LTB: variants seen among roughly 807,000 people sequenced by gnomAD.
LTB encodes lymphotoxin beta, also known as lymphotoxin-beta.
A neutral mutation model predicts 14.7 loss-of-function variants in LTB; 17 were observed. The observed-to-expected ratio is 1.16, with a 90% CI of 0.79 to 1.73. The LOEUF is 1.73. Among genes scored for constraint, LTB ranks in the 40% most tolerant of loss-of-function variants. The pLI, the probability that LTB is intolerant of heterozygous loss-of-function variation, is 0.00. For synonymous variants in LTB, 163 were observed against 157.3 expected (o/e 1.04, Z -0.27); for missense variants, 288 against 324.3 (o/e 0.89, Z 0.86).
Position 31,580,576 on chromosome 6 carries a change from G to C in LTB, c.*133C>G. The C allele has an allele frequency of 1.1e-6, 1 of 883,942 alleles. No homozygotes were observed. The highest frequency in any genetic ancestry group is 1.7e-6 in the Non-Finnish European group (1 of 574,470). The allele number at this position is 883,942 out of a possible 1,614,324, so 54.8% of individuals were successfully genotyped here. Reference sequence around the variant, plus strand: ...CAGCATCTTTATCGGCAGCACTGAAGCTTTCCATTCTTTATTTTCATCAGG... The same window carrying C: ...CAGCATCTTTATCGGCAGCACTGAACCTTTCCATTCTTTATTTTCATCAGG... On this transcript the variant is annotated 3_prime_UTR_variant, in exon 4 of 4. Coordinates refer to ENST00000429299, the MANE Select transcript of LTB (RefSeq NM_002341.2). This position sits in a 1 kb window ranked among gnomAD's most constrained non-coding sequence, Gnocchi z 6.6.
At position 31,581,550 on chromosome 6, in the gene LTB, G is replaced by C. The variant is rs751889844; in HGVS notation, c.280+9C>G. Reference sequence around the variant, plus strand: ...TTTACACTCTTATTCAGGTCTTGGAGGTCCTTACCTATGAGGTGGGCAGCT... The same window carrying C: ...TTTACACTCTTATTCAGGTCTTGGACGTCCTTACCTATGAGGTGGGCAGCT... On this transcript the variant is annotated intron_variant, in intron 3 of 3. Transcript: ENST00000429299. The C allele has an allele frequency of 2.1e-5, 34 of 1,612,106 alleles. No individual in the cohort carries two copies. Among genetic ancestry groups the C allele is most frequent in the Admixed American group, 6.7e-5 (4 of 60,012 alleles).
rs111986841 is a variant in LTB, at chr6:31,582,254, A to C, written c.162+2T>G. On this transcript the variant is annotated splice_donor_variant, in intron 1 of 3. Coordinates refer to ENST00000429299, the MANE Select transcript of LTB (RefSeq NM_002341.2). LOFTEE classifies it high-confidence loss of function. ...CCACCAGGGCCTGTTGCAGCCACTCACCAGTCCTCCCTGATCCTGGGGCAC... is the reference window on the plus strand; with the variant it reads ...CCACCAGGGCCTGTTGCAGCCACTCCCCAGTCCTCCCTGATCCTGGGGCAC... 6.2e-7 allele frequency: 1 copy of C among 1,612,890 alleles called. No homozygotes were observed. Among genetic ancestry groups the C allele is most frequent in the Non-Finnish European group, 8.5e-7 (1 of 1,179,894 alleles).
In LTB at chr6:31,581,580, G is replaced by C. The variant is rs4647187; in HGVS notation, c.259C>G (p.Leu87Val). ...EEPETDLSPGLPAAHLIGAPL... is the reference protein window; with the variant it reads ...EEPETDLSPGVPAAHLIGAPL... ...TTACCTATGAGGTGGGCAGCTGGGA[G>C]CCCGGGGCTGAGATCTGTTTCTGGC... Residue 87 changes from leucine (L) to valine (V), a missense_variant, in exon 3 of 4, where the codon CTC becomes GTC. By Grantham distance (32) the Leu-to-Val change is conservative. Transcript: ENST00000429299. 4.5e-5 allele frequency: 73 copies of C among 1,612,878 alleles called. No homozygotes were observed. The highest frequency in any genetic ancestry group is 5.8e-5 in the Non-Finnish European group (69 of 1,180,000).
Position 31,580,862 on chromosome 6 carries a change from T to C in LTB, c.582A>G (p.Arg194=). 2 of 1,609,520 alleles carry C rather than the reference T, an allele frequency of 1.2e-6. No individual in the cohort carries two copies. Among genetic ancestry groups the C allele is most frequent in the Non-Finnish European group, 1.7e-6 (2 of 1,178,552 alleles). The change falls in exon 4 of 4, where the codon AGA becomes AGG. Residue 194 remains arginine (R), a synonymous_variant. Transcript: ENST00000429299. The surrounding 1 kb of genome is among the most constrained non-coding windows in gnomAD (Gnocchi z 6.6). ...TGTACCAGAGAGGCCCGTACCCTTG[T>C]CTCCTGGCCGGGTCCAGCACTGGAG... ...TVTPVLDPAR[R]QGYGPLWYTS... is the part of the protein sequence containing the mutation.
At chr6:31,581,297 T>A in intron 3 of LTB, 134 bp from the exon 4 acceptor site, 1 of 841,472 alleles carries the variant, frequency 1.2e-6, no homozygotes, top group South Asian at 1.8e-5. Context: ...GTTTCTGGGA[T>A]GAGTGCGAGT....
intron 2 of LTB, 53 bp from the exon 3 acceptor site, chr6:31,581,683 C>T (rs561587978): frequency 1.9e-6 from 3 of 1,602,308 alleles, no homozygotes; most frequent in African/African-American, 2.7e-5. Flanking sequence ...CCCATGCAGG[C>T]TACCCTTGAG....
Position 31,581,633 on chromosome 6 carries a change from G to A in LTB, c.209-3C>T, listed in dbSNP as rs1263391246. ...CTCCTCTGGCAGCTTCTGAAACCCT[G>A]GAAGGGGCAAAGAGTCCACGATTGG... On this transcript the variant is annotated splice_polypyrimidine_tract_variant and splice_region_variant and intron_variant, in intron 2 of 3. Transcript: ENST00000429299. 6.2e-7 allele frequency: 1 copy of A among 1,612,946 alleles called. No individual in the cohort carries two copies. Among genetic ancestry groups the A allele is most frequent in the Admixed American group, 1.7e-5 (1 of 60,024 alleles).
In LTB at chr6:31,581,839, G is replaced by A. The variant is rs757044134; in HGVS notation, c.183C>T (p.Pro61=). The A allele has an allele frequency of 1.1e-5, 17 of 1,599,216 alleles. No homozygotes were observed. The East Asian group carries it at 2.9e-4, about 27-fold the overall frequency. Residue 61 remains proline, a synonymous_variant, in exon 2 of 4, where the codon CCC becomes CCT. Transcript: ENST00000429299. ...QGGLVTETAD[P]GAQAQQGLGF... ...CCAGTCCTTGCTGGGCCTGTGCCCC[G>A]GGGTCGGCCGTCTCCGTTACCTGGT...
In LTB at chr6:31,582,402, GC is replaced by G; in HGVS notation, c.15del (p.Leu6TrpfsTer16). The G allele has an allele frequency of 6.2e-7, 1 of 1,611,574 alleles. No individual in the cohort carries two copies. Among genetic ancestry groups the G allele is most frequent in the Non-Finnish European group, 8.5e-7 (1 of 1,179,590 alleles). MGAL[G>X]LEGRGGRLQG... is the part of the protein sequence containing the mutation. ...TGGAGCCTCCCACCCCTGCCCTCCA[GC>G]CCCAGTGCCCCCATTGAGACTGAAC... On this transcript the variant is annotated frameshift_variant, in exon 1 of 4. Transcript: ENST00000429299. LOFTEE classifies it high-confidence loss of function.
chr6:31,580,657 G>A lies in LTB; in HGVS notation c.*52C>T. The A allele has an allele frequency of 6.6e-7, 1 of 1,520,752 alleles. No individual in the cohort carries two copies. Among genetic ancestry groups the A allele is most frequent in the East Asian group, 2.3e-5 (1 of 43,752 alleles). The allele number at this position is 1,520,752 out of a possible 1,614,324, so 94.2% of individuals were successfully genotyped here. A position where few individuals can be genotyped will look rare whatever the true frequency, so the allele number is the denominator to read the frequency against. ...ATTTTTCCCACTGCCATGGGGTCCT[G>A]GGCGTCCGGGCCCCCAATATTCACG... On this transcript the variant is annotated 3_prime_UTR_variant, in exon 4 of 4. Coordinates refer to ENST00000429299, the MANE Select transcript of LTB (RefSeq NM_002341.2). This position sits in a 1 kb window ranked among gnomAD's most constrained non-coding sequence, Gnocchi z 6.6.
Position 31,582,413 on chromosome 6 carries a change from C to T in LTB, c.5G>A (p.Gly2Glu), listed in dbSNP as rs1449927839. The change falls in exon 1 of 4, where the codon GGG becomes GAG. Residue 2 changes from glycine to glutamate, a missense_variant. Gly to Glu is a moderately conservative substitution (Grantham distance 98, BLOSUM62 -2). Coordinates refer to ENST00000429299, the MANE Select transcript of LTB (RefSeq NM_002341.2). MGALGLEGRGGR... is the reference protein window; with the variant it reads MEALGLEGRGGR... ...ACCCCTGCCCTCCAGCCCCAGTGCCCCCATTGAGACTGAACCAGAGCCAGA... is the reference window on the plus strand; with the variant it reads ...ACCCCTGCCCTCCAGCCCCAGTGCCTCCATTGAGACTGAACCAGAGCCAGA... The T allele has an allele frequency of 6.2e-7, 1 of 1,612,068 alleles. No homozygotes were observed. Among genetic ancestry groups the T allele is most frequent in the Non-Finnish European group, 8.5e-7 (1 of 1,179,828 alleles).
Position 31,581,871 on chromosome 6 carries a change from G to A in LTB, c.163-12C>T. Reference sequence around the variant, plus strand: ...GCCGTCTCCGTTACCTGGTTGGGTGGGGTCACAGTGCCCAGAGTTCAGATT... The same window carrying A: ...GCCGTCTCCGTTACCTGGTTGGGTGAGGTCACAGTGCCCAGAGTTCAGATT... On this transcript the variant is annotated splice_polypyrimidine_tract_variant and intron_variant, in intron 1 of 3. Coordinates refer to ENST00000429299, the MANE Select transcript of LTB (RefSeq NM_002341.2). The A allele has an allele frequency of 6.3e-7, 1 of 1,576,192 alleles. No individual in the cohort carries two copies. Among genetic ancestry groups the A allele is most frequent in the South Asian group, 1.2e-5 (1 of 84,910 alleles).
intron 2 of LTB, 65 bp from the exon 3 acceptor site, chr6:31,581,695 G>C (rs763843170): frequency 2.5e-6 from 4 of 1,597,016 alleles, no homozygotes; most frequent in Admixed American, 1.7e-5. Flanking sequence ...ACCCTTGAGA[G>C]AACAGGGCGC....
chr6:31,581,073 C>G lies in LTB; in HGVS notation c.371G>C (p.Gly124Ala). The G allele has an allele frequency of 6.2e-7, 1 of 1,610,846 alleles. No homozygotes were observed. The highest frequency in any genetic ancestry group is 8.5e-7 in the Non-Finnish European group (1 of 1,179,002). ...TSGTQFSDAE[G>A]LALPQDGLYY... The stretch of plus-strand genomic sequence containing the variant: ...GAGGCCGTCCTGCGGGAGCGCCAGC[C>G]CCTCGGCGTCCGAGAACTGCGTCCC... The change falls in exon 4 of 4, where the codon GGG becomes GCG. Residue 124 changes from glycine to alanine, a missense_variant. Around this residue, in one of 2 missense-constraint regions of LTB, gnomAD observed 284 missense variants for 299.2 expected, o/e 0.95. Coordinates refer to ENST00000429299, the MANE Select transcript of LTB (RefSeq NM_002341.2).
chr6:31,581,891 C>A, intron 1 of LTB, 32 bp from the exon 2 acceptor site: 1 of 1,556,694 alleles, frequency 6.4e-7, no homozygotes, highest in Non-Finnish European at 8.7e-7. Flanking sequence ...GCCCAGAGTT[C>A]AGATTCAGCT....
At position 31,582,408 on chromosome 6, in the gene LTB, G is replaced by A; in HGVS notation, c.10C>T (p.Leu4=). The change falls in exon 1 of 4, where the codon CTG becomes TTG. Residue 4 remains leucine, a synonymous_variant. Coordinates refer to ENST00000429299, the MANE Select transcript of LTB (RefSeq NM_002341.2). MGA[L]GLEGRGGRLQ... is the part of the protein sequence containing the mutation. ...CTCCCACCCCTGCCCTCCAGCCCCAGTGCCCCCATTGAGACTGAACCAGAG... is the reference window on the plus strand; with the variant it reads ...CTCCCACCCCTGCCCTCCAGCCCCAATGCCCCCATTGAGACTGAACCAGAG... The A allele has an allele frequency of 6.2e-7, 1 of 1,610,562 alleles. No individual in the cohort carries two copies.
rs1403432016 is a variant in LTB at position 31,581,060 on chromosome 6, C to T, written c.384G>A (p.Pro128=). ...AGTAGAGGTAATAGAGGCCGTCCTG[C>T]GGGAGCGCCAGCCCCTCGGCGTCCG... The part of the protein sequence containing the change: ...QFSDAEGLAL[P]QDGLYYLYCL... Residue 128 remains proline (P), a synonymous_variant, in exon 4 of 4, where the codon CCG becomes CCA. Transcript: ENST00000429299. 3.1e-6 allele frequency: 5 copies of T among 1,609,952 alleles called. No homozygotes were observed. Among genetic ancestry groups the T allele is most frequent in the Non-Finnish European group, 3.4e-6 (4 of 1,178,784 alleles).
chr6:31,581,278 G>C (rs949984642), intron 3 of LTB, 115 bp from the exon 4 acceptor site: 2 of 972,956 alleles, frequency 2.1e-6, no homozygotes, highest in African/African-American at 3.3e-5. Context: ...GGGGAGGAGG[G>C]ATGGTGCTGT....
chr6:31,580,953 T>A lies in LTB; in HGVS notation c.491A>T (p.Tyr164Phe), dbSNP rs1771451161. The part of the protein sequence containing the change: ...GRSVTLRSSL[Y>F]RAGGAYGPGT... ...CGGCCCGTAGGCGCCCCCCGCCCGG[T>A]ACAGAGAGCTGCGCAGCGTGACCGA... The change falls in exon 4 of 4, where the codon TAC (tyrosine) becomes TTC (phenylalanine). Residue 164 changes from tyrosine to phenylalanine, a missense_variant. Coordinates refer to ENST00000429299, the MANE Select transcript of LTB (RefSeq NM_002341.2). This position sits in a 1 kb window ranked among gnomAD's most constrained non-coding sequence, Gnocchi z 6.6. The A allele has an allele frequency of 6.4e-7, 1 of 1,570,580 alleles. No homozygotes were observed. Among genetic ancestry groups the A allele is most frequent in the Non-Finnish European group, 8.6e-7 (1 of 1,158,840 alleles).
Sources: gnomAD v4.1 joint callset for allele counts on GRCh38, gnomAD v4.1.1 for gene constraint, gnomAD v4.1.1 regional missense constraint, Gnocchi (gnomAD v3.1) non-coding constraint, MANE v1.5 for transcripts, NCBI Gene and HGNC (gene_info 2026-07-23, HGNC 2026-07-21) for gene names.